The following PPP1R27 variants were observed in gnomAD, a reference collection of about 807,000 sequenced individuals.
The protein encoded by PPP1R27 is protein phosphatase 1 regulatory subunit 27.
PPP1R27 carries 10 observed loss-of-function variants against 12.0 expected under a neutral mutation model. The observed-to-expected ratio is 0.84, with a 90% CI of 0.52 to 1.42. The LOEUF (loss-of-function observed/expected upper bound fraction) is 1.42, where lower values mean the gene tolerates loss of function less well. Among genes scored for constraint, PPP1R27 ranks in the 40% most tolerant of loss-of-function variants. The pLI is 0.00. For synonymous variants in PPP1R27, 98 were observed against 89.3 expected, an observed-to-expected ratio of 1.10 and a Z score of -0.55; for missense variants, 246 against 215.3, an observed-to-expected ratio of 1.14 and a Z score of -0.89.
At chr17:81,834,469 G>T (rs770813361) in intron 2 of PPP1R27, 34 bp downstream of exon 2, 2 of 1,608,840 alleles carry the variant, frequency 1.2e-6, no homozygotes, top group Admixed American at 1.7e-5. Context: ...GGAGGGGTCG[G>T]GTTCAAGCCT....
intron 2 of PPP1R27, 45 bp downstream of exon 2, chr17:81,834,458 C>T (rs1368938626): frequency 1.7e-5 from 27 of 1,600,152 alleles, no homozygotes; most frequent in Non-Finnish European, 2.3e-5. Context: ...CACTGAGGCC[C>T]GGAGGGGTCG....
Position 81,834,607 on chromosome 17 carries a change from G to A in PPP1R27, c.237C>T (p.Cys79=). The change falls in exon 2 of 3, where the codon TGC becomes TGT. Residue 79 remains cysteine (C), a synonymous_variant. Coordinates refer to ENST00000330261, the MANE Select transcript of PPP1R27 (RefSeq NM_001007533.4). The stretch of plus-strand genomic sequence containing the variant: ...CCCCGTATTTGACCAGCAGCTTCAC[G>A]CATTCCAGGTTTCCAGAGAGCACGG... ...HEAVLSGNLE[C]VKLLVKYGAD... The A allele has an allele frequency of 1.9e-6, 3 of 1,614,196 alleles. No individual in the cohort carries two copies. Among genetic ancestry groups the A allele is most frequent in the African/African-American group, 1.3e-5 (1 of 75,058 alleles).
chr17:81,833,602 G>T lies in PPP1R27; in HGVS notation c.*127C>A. 2 of 939,162 alleles carry T rather than the reference G, an allele frequency of 2.1e-6. No homozygotes were observed. Among genetic ancestry groups the T allele is most frequent in the Non-Finnish European group, 3.1e-6 (2 of 649,420 alleles). 58.2% of individuals were successfully genotyped at this position (939,162 alleles called of 1,614,324 possible). A position where few individuals can be genotyped will look rare whatever the true frequency, so the allele number is the denominator to read the frequency against. On this transcript the variant is annotated 3_prime_UTR_variant, in exon 3 of 3. Transcript: ENST00000330261. ...GACAAAGCCAGGCCTAGGAGGGGTG[G>T]CGGGGTCGTGGAGGGACGGGTCCGG... is the stretch of plus-strand genomic sequence containing the variant.
At position 81,834,926 on chromosome 17, in the gene PPP1R27, G is replaced by A. The variant is rs756399012; in HGVS notation, c.28C>T (p.Arg10Cys). MPSRTARYA[R>C]YSPRQRRRRM... The stretch of plus-strand genomic sequence containing the variant: ...CGCCGCCGCTGCCGTGGGCTGTAGC[G>A]GGCATAGCGGGCAGTTCTGCTAGGC... Residue 10 changes from arginine to cysteine, a missense_variant, in exon 1 of 3, where the codon CGC (arginine) becomes TGC (cysteine). Coordinates refer to ENST00000330261, the MANE Select transcript of PPP1R27 (RefSeq NM_001007533.4). 3.1e-6 allele frequency: 5 copies of A among 1,609,508 alleles called. No homozygotes were observed. Among genetic ancestry groups the A allele is most frequent in the East Asian group, 4.5e-5 (2 of 44,842 alleles).
At position 81,834,970 on chromosome 17, in the gene PPP1R27, C is replaced by G. The variant is rs761719447; in HGVS notation, c.-17G>C. 6.3e-7 allele frequency: 1 copy of G among 1,579,780 alleles called. No homozygotes were observed. The highest frequency in any genetic ancestry group is 8.6e-7 in the Non-Finnish European group (1 of 1,164,644). ...GCTAGGCATCTTGGGCGCTGTGGGGCAGGTTGCCCCTGGGGACCCTACTGC... is the reference window on the plus strand; with the variant it reads ...GCTAGGCATCTTGGGCGCTGTGGGGGAGGTTGCCCCTGGGGACCCTACTGC... On this transcript the variant is annotated 5_prime_UTR_variant, in exon 1 of 3. Transcript: ENST00000330261.
Position 81,833,764 on chromosome 17 carries a change from GCTC to G in PPP1R27, c.427_429del (p.Glu143del). ...GTGGTCCCTTTGAAGAGCTCCACCA[GCTC>G]CTTGTAGTCCGGGTCGATGAGGTCG... is the stretch of plus-strand genomic sequence containing the variant. On this transcript the variant is annotated inframe_deletion, in exon 3 of 3. Coordinates refer to ENST00000330261, the MANE Select transcript of PPP1R27 (RefSeq NM_001007533.4). 6.4e-6 allele frequency: 10 copies of G among 1,553,482 alleles called. No homozygotes were observed. The highest frequency in any genetic ancestry group is 8.7e-6 in the Non-Finnish European group (10 of 1,148,320).
Position 81,835,037 on chromosome 17 carries a change from G to A in PPP1R27, c.-84C>T. On this transcript the variant is annotated 5_prime_UTR_variant, in exon 1 of 3. Transcript: ENST00000330261. Reference sequence around the variant, plus strand: ...TATCCGGTCCCGACCAGATCAGCTTGAGGGCTCCTGTCGGACGAGCCCCGG... The same window carrying A: ...TATCCGGTCCCGACCAGATCAGCTTAAGGGCTCCTGTCGGACGAGCCCCGG... 1 of 1,373,288 alleles carries A rather than the reference G, an allele frequency of 7.3e-7. No individual in the cohort carries two copies. Among genetic ancestry groups the A allele is most frequent in the Non-Finnish European group, 9.6e-7 (1 of 1,038,940 alleles). The allele number at this position is 1,373,288 out of a possible 1,614,324, so 85.1% of individuals were successfully genotyped here. A position where few individuals can be genotyped will look rare whatever the true frequency, so the allele number is the denominator to read the frequency against.
rs1201121536 is a variant in PPP1R27 at position 81,833,848 on chromosome 17, G to A, written c.346C>T (p.Leu116Phe). Reference sequence around the variant, plus strand: ...TCCCTGTCCGCTCCCAGGGAGATAAGGTACCTGGGGTGTAAAGGTCGCTCT... The same window carrying A: ...TCCCTGTCCGCTCCCAGGGAGATAAAGTACCTGGGGTGTAAAGGTCGCTCT... ...SDGYPDIARYLISLGADRDAT... is the reference protein window; with the variant it reads ...SDGYPDIARYFISLGADRDAT... The change falls in exon 3 of 3, where the codon CTT becomes TTT. Residue 116 changes from leucine to phenylalanine, a missense_variant. Physicochemically the swap from Leu to Phe is conservative, Grantham distance 22. Transcript: ENST00000330261. 2.5e-6 allele frequency: 4 copies of A among 1,594,772 alleles called. No homozygotes were observed. Among genetic ancestry groups the A allele is most frequent in the African/African-American group, 2.7e-5 (2 of 74,596 alleles).
rs546095206 is a variant in PPP1R27 at position 81,834,865 on chromosome 17, T to C, written c.89A>G (p.Asn30Ser). The change falls in exon 1 of 3, where the codon AAT becomes AGT. Residue 30 changes from asparagine (N) to serine (S), a missense_variant. Coordinates refer to ENST00000330261, the MANE Select transcript of PPP1R27 (RefSeq NM_001007533.4). ...GATGTGGTCCAAGAACAGGACATCA[T>C]TAGGGAAACGCACGCTGCGATCAGC... ...MLADRSVRFP[N>S]DVLFLDHIRQ... The C allele has an allele frequency of 3.7e-6, 6 of 1,613,484 alleles. No homozygotes were observed. In the African/African-American group the frequency reaches 8.0e-5, roughly 21 times the overall value.
chr17:81,834,725 C>T, intron 1 of PPP1R27, 39 bp downstream of exon 1: 1 of 1,609,110 alleles, frequency 6.2e-7, no homozygotes, highest in Non-Finnish European at 8.5e-7. Flanking sequence ...TCTCCCACCA[C>T]CCCACAGGCC....
chr17:81,834,546 G>A lies in PPP1R27; in HGVS notation c.298C>T (p.Pro100Ser). Residue 100 changes from proline to serine, a missense_variant, in exon 2 of 3, where the codon CCC becomes TCC. Transcript: ENST00000330261. ...IHQRDEAGWT[P>S]LHIACSDGYP... ...CCATCGCTGCAGGCAATGTGCAGGG[G>A]TGTCCAGCCCGCCTCATCTCGCTGG... The A allele has an allele frequency of 6.2e-7, 1 of 1,614,186 alleles. No individual in the cohort carries two copies. Among genetic ancestry groups the A allele is most frequent in the Non-Finnish European group, 8.5e-7 (1 of 1,180,028 alleles).
chr17:81,834,424 T>G, intron 2 of PPP1R27, 79 bp downstream of exon 2: 2 of 1,527,584 alleles, frequency 1.3e-6, no homozygotes, highest in Non-Finnish European at 1.8e-6. Context: ...CGGGCTACAT[T>G]TTGGGGCTCC....
chr17:81,834,239 T>G, intron 2 of PPP1R27: 1 of 490,718 alleles, frequency 2.0e-6, no homozygotes, highest in Non-Finnish European at 3.7e-6. Flanking sequence ...GTAGCTGGGA[T>G]TACAGGCGCG....
Position 81,834,606 on chromosome 17 carries a change from C to G in PPP1R27, c.238G>C (p.Val80Leu), listed in dbSNP as rs1325258411. ...EAVLSGNLEC[V>L]KLLVKYGADI... ...GCCCCGTATTTGACCAGCAGCTTCA[C>G]GCATTCCAGGTTTCCAGAGAGCACG... The change falls in exon 2 of 3, where the codon GTG becomes CTG. Residue 80 changes from valine (V) to leucine (L), a missense_variant. Physicochemically the swap from Val to Leu is conservative, Grantham distance 32. Transcript: ENST00000330261. The G allele has an allele frequency of 6.2e-7, 1 of 1,614,238 alleles. No individual in the cohort carries two copies. Among genetic ancestry groups the G allele is most frequent in the Non-Finnish European group, 8.5e-7 (1 of 1,180,038 alleles).
Position 81,834,565 on chromosome 17 carries a change from T to A in PPP1R27, c.279A>T (p.Arg93=), listed in dbSNP as rs922067544. The part of the protein sequence containing the change: ...LVKYGADIHQ[R]DEAGWTPLHI... ...GCAGGGGTGTCCAGCCCGCCTCATC[T>A]CGCTGGTGAATGTCAGCCCCGTATT... Residue 93 remains arginine, a synonymous_variant, in exon 2 of 3, where the codon CGA becomes CGT. Coordinates refer to ENST00000330261, the MANE Select transcript of PPP1R27 (RefSeq NM_001007533.4). 6.2e-7 allele frequency: 1 copy of A among 1,614,184 alleles called. No homozygotes were observed. The highest frequency in any genetic ancestry group is 8.5e-7 in the Non-Finnish European group (1 of 1,180,020).
Position 81,833,867 on chromosome 17 carries a change from T to A in PPP1R27, c.342-15A>T, listed in dbSNP as rs977208553. The A allele has an allele frequency of 9.4e-6, 15 of 1,594,664 alleles. No individual in the cohort carries two copies. The highest frequency in any genetic ancestry group is 1.7e-5 in the Admixed American group (1 of 57,310). On this transcript the variant is annotated splice_polypyrimidine_tract_variant and intron_variant, in intron 2 of 2. Coordinates refer to ENST00000330261, the MANE Select transcript of PPP1R27 (RefSeq NM_001007533.4). The stretch of plus-strand genomic sequence containing the variant: ...AGATAAGGTACCTGGGGTGTAAAGG[T>A]CGCTCTGGCTGAAGCGGGGAGGAGC...
At position 81,833,678 on chromosome 17, in the gene PPP1R27, G is replaced by T; in HGVS notation, c.*51C>A. 1.3e-6 allele frequency: 2 copies of T among 1,530,960 alleles called. No homozygotes were observed. Among genetic ancestry groups the T allele is most frequent in the Non-Finnish European group, 1.8e-6 (2 of 1,140,836 alleles). 94.8% of individuals were successfully genotyped at this position (1,530,960 alleles called of 1,614,324 possible). On this transcript the variant is annotated 3_prime_UTR_variant, in exon 3 of 3. Coordinates refer to ENST00000330261, the MANE Select transcript of PPP1R27 (RefSeq NM_001007533.4). ...CGTGCTGGCCCATGGGCGACGCGCG[G>T]CTTCTCCAGGGAGGCGGCCCTGGGC... is the stretch of plus-strand genomic sequence containing the variant.
At position 81,833,607 on chromosome 17, in the gene PPP1R27, G is replaced by T; in HGVS notation, c.*122C>A. ...AGCCAGGCCTAGGAGGGGTGGCGGG[G>T]TCGTGGAGGGACGGGTCCGGCCGCC... is the stretch of plus-strand genomic sequence containing the variant. On this transcript the variant is annotated 3_prime_UTR_variant, in exon 3 of 3. Transcript: ENST00000330261. 2 of 1,019,444 alleles carry T rather than the reference G, an allele frequency of 2.0e-6. No individual in the cohort carries two copies. The highest frequency in any genetic ancestry group is 2.8e-6 in the Non-Finnish European group (2 of 720,960). 63.1% of individuals were successfully genotyped at this position (1,019,444 alleles called of 1,614,324 possible). A position where few individuals can be genotyped will look rare whatever the true frequency, so the allele number is the denominator to read the frequency against.
chr17:81,833,706 G>T lies in PPP1R27; in HGVS notation c.*23C>A. On this transcript the variant is annotated 3_prime_UTR_variant, in exon 3 of 3. Transcript: ENST00000330261. ...TCTCCAGGGAGGCGGCCCTGGGCGC[G>T]GGGGCGGGCGGGCAAAGCTGGCTCA... The T allele has an allele frequency of 6.5e-7, 1 of 1,543,868 alleles. No individual in the cohort carries two copies. The highest frequency in any genetic ancestry group is 1.2e-5 in the South Asian group (1 of 83,918).
Sources: gnomAD v4.1 joint callset for allele counts on GRCh38, gnomAD v4.1.1 for gene constraint, MANE v1.5 for transcripts, NCBI Gene and HGNC (gene_info 2026-07-23, HGNC 2026-07-21) for gene names.